The following LDLRAD3 variants were observed in gnomAD, a reference collection of about 807,000 sequenced individuals.
The protein encoded by LDLRAD3 is low density lipoprotein receptor class A domain containing 3.
Under a neutral mutation model 29.4 loss-of-function variants are expected in LDLRAD3, and 20 were observed. The ratio of observed to expected loss-of-function variants is 0.68; its 90% CI spans 0.48 to 0.99. The LOEUF is 0.99. LDLRAD3 is among the 50% of genes least tolerant of loss of function. LDLRAD3 has a pLI of 0.00. For missense variants in LDLRAD3, 420 were observed against 454.3 expected (o/e 0.92, Z 0.69); for synonymous variants, 157 against 192.7 (o/e 0.81, Z 1.53).
At chr11:35,960,167 T>C (rs1051465653) in intron 1 of LDLRAD3, among the ~76,000 whole-genome samples, 1 of 152,210 alleles carries the variant, frequency 6.6e-6, no homozygotes, top group South Asian at 2.1e-4. Flanking sequence ...CATTTACCTT[T>C]ATAATTTTGA....
chr11:36,036,067 T>G (rs1852299568), intron 1 of LDLRAD3, 36 bp from the exon 2 acceptor site: 5 of 1,602,540 alleles, frequency 3.1e-6, no homozygotes, highest in African/African-American at 1.3e-5. Flanking sequence ...TCCCTGCTGT[T>G]GCTGTGCCGT....
At chr11:36,033,096 C>G (rs956226670) in intron 1 of LDLRAD3, among the ~76,000 whole-genome samples, 17 of 152,216 alleles carry the variant, frequency 1.1e-4, no homozygotes, top group African/African-American at 4.1e-4. Context: ...TGGTCTCAAA[C>G]TCCTGACCTC....
At chr11:36,141,711 A>G (rs1590301910) in intron 4 of LDLRAD3, among the ~76,000 whole-genome samples, 1 of 152,180 alleles carries the variant, frequency 6.6e-6, no homozygotes, top group African/African-American at 2.4e-5. Flanking sequence ...AGTAGTTTCT[A>G]TGGCAACACG....
intron 4 of LDLRAD3, chr11:36,196,505 C>A (rs1389257162): frequency 1.3e-5 from 2 of 152,178 alleles, no homozygotes; most frequent in Non-Finnish European, 2.9e-5. Context: ...AATCCTGAAA[C>A]AATAAGCTAT....
At chr11:35,986,270 G>A (rs1175691003) in intron 1 of LDLRAD3, among the ~76,000 whole-genome samples, 1 of 152,162 alleles carries the variant, frequency 6.6e-6, no homozygotes, top group African/African-American at 2.4e-5. Flanking sequence ...ATTGGTTAAA[G>A]GAGAGATAAT....
chr11:36,002,064 TA>T (rs1851831893), intron 1 of LDLRAD3, among the ~76,000 whole-genome samples: 1 of 152,214 alleles, frequency 6.6e-6, no homozygotes, highest in African/African-American at 2.4e-5. Flanking sequence ...GCTCCTCGTC[TA>T]GGGGGGTTGC....
chr11:35,948,650 T>C (rs1351581756), intron 1 of LDLRAD3, among the ~76,000 whole-genome samples: 1 of 152,186 alleles, frequency 6.6e-6, no homozygotes, highest in Non-Finnish European at 1.5e-5. Flanking sequence ...CTTAATATAG[T>C]ACGTGGACTT....
rs115025523 is a variant in LDLRAD3 at position 35,959,868 on chromosome 11, G to A, written c.46+15724G>A. On this transcript the variant is annotated intron_variant, in intron 1 of 5. Coordinates refer to ENST00000315571, the MANE Select transcript of LDLRAD3 (RefSeq NM_174902.4). Reference sequence around the variant, plus strand: ...AATTGCTTGAACCCAGAAGGCTGAGGTTGCTGTGAGCTAAGATCTCACCAT... The same window carrying A: ...AATTGCTTGAACCCAGAAGGCTGAGATTGCTGTGAGCTAAGATCTCACCAT... Among the ~76,000 whole-genome samples the A allele has an allele frequency of 7.7e-3, 1,171 of 152,260 alleles. 16 individuals are homozygous for A. Among genetic ancestry groups the A allele is most frequent in the African/African-American group, 0.027 (1,107 of 41,548 alleles).
intron 1 of LDLRAD3, among the ~76,000 whole-genome samples, chr11:36,005,583 A>G (rs262412): frequency 0.96 from 146,169 of 152,320 alleles, 70,430 homozygotes; most frequent in East Asian, 1. Context: ...TCTCCAAACT[A>G]TTCCAACCTC....
chr11:36,014,464 T>C (rs962291205), intron 1 of LDLRAD3, among the ~76,000 whole-genome samples: 2 of 152,234 alleles, frequency 1.3e-5, no homozygotes, highest in African/African-American at 4.8e-5. Flanking sequence ...GTATGGGATG[T>C]GCATGGTACC....
intron 1 of LDLRAD3, among the ~76,000 whole-genome samples, chr11:35,977,890 T>C (rs1181825598): frequency 6.6e-6 from 1 of 152,062 alleles, no homozygotes; most frequent in East Asian, 1.9e-4. Flanking sequence ...CACTATTACA[T>C]TGGGAATTAG....
chr11:36,118,814 A>T (rs1293019427), intron 4 of LDLRAD3, among the ~76,000 whole-genome samples: 2 of 152,190 alleles, frequency 1.3e-5, no homozygotes, highest in Non-Finnish European at 2.9e-5. Flanking sequence ...AGAAACCCCC[A>T]TACCCACACA....
intron 4 of LDLRAD3, among the ~76,000 whole-genome samples, chr11:36,167,249 C>A (rs1172230327): frequency 6.6e-6 from 1 of 152,094 alleles, no homozygotes; most frequent in African/African-American, 2.4e-5. Context: ...TCAGTCTTTT[C>A]TCTGAAAGCC....
At chr11:35,951,394 G>A (rs1279377207) in intron 1 of LDLRAD3, among the ~76,000 whole-genome samples, 1 of 151,850 alleles carries the variant, frequency 6.6e-6, no homozygotes, top group Non-Finnish European at 1.5e-5. Flanking sequence ...ATTTTATTTT[G>A]AGCCATGTGA....
intron 2 of LDLRAD3, among the ~76,000 whole-genome samples, chr11:36,078,420 G>T (rs1379386700): frequency 6.6e-6 from 1 of 152,228 alleles, no homozygotes; most frequent in Non-Finnish European, 1.5e-5. Flanking sequence ...CCAAAGTCCG[G>T]AGGCGGCTGA....
chr11:35,970,907 G>A (rs952590535), intron 1 of LDLRAD3, among the ~76,000 whole-genome samples: 2 of 152,108 alleles, frequency 1.3e-5, no homozygotes, highest in African/African-American at 2.4e-5. Context: ...TGACTCTGGG[G>A]GAACCTTTAC....
intron 2 of LDLRAD3, among the ~76,000 whole-genome samples, chr11:36,076,560 G>A (rs2133252060): frequency 6.6e-6 from 1 of 152,072 alleles, no homozygotes; most frequent in Non-Finnish European, 1.5e-5. Flanking sequence ...TAATTTTTTT[G>A]TATATGTAGT....
In LDLRAD3 at chr11:36,177,584, C is replaced by T. The variant is rs1020703836; in HGVS notation, c.455-49501C>T. On this transcript the variant is annotated intron_variant, in intron 4 of 5. Transcript: ENST00000315571. ...GAGCCAGACTGCATGATTGTTATTG[C>T]TCTTCTGGGTCTAGCCACCCAGTGG... 2.0e-5 allele frequency among the ~76,000 whole-genome samples: 3 copies of T among 152,200 alleles called. 1 individual carries two copies. Among genetic ancestry groups the T allele is most frequent in the African/African-American group, 7.2e-5 (3 of 41,452 alleles).
intron 4 of LDLRAD3, among the ~76,000 whole-genome samples, chr11:36,147,098 CTTTTTTTTTTTTTTTTTTTTTTT>C (rs55747441): frequency 1.2e-4 from 6 of 48,124 alleles, no homozygotes; most frequent in South Asian, 9.0e-4. Flanking sequence ...CCCATATTTA[CTTTTTTTTTTTTTTTTTTTTTTT>C]TTTTTTTTTT....
Sources: gnomAD v4.1 joint callset for allele counts (sites outside exome capture counted in the v4.1 genomes callset) on GRCh38, gnomAD v4.1.1 for gene constraint, MANE v1.5 for transcripts, NCBI Gene and HGNC (gene_info 2026-07-23, HGNC 2026-07-21) for gene names.